The following CERS1 variants were observed in gnomAD, a reference collection of about 807,000 sequenced individuals.
CERS1 encodes ceramide synthase 1.
Under a neutral mutation model 35.7 loss-of-function variants are expected in CERS1, and 16 were observed. The observed-to-expected ratio is 0.45, with a 90% CI of 0.30 to 0.68. The LOEUF (loss-of-function observed/expected upper bound fraction) is 0.68. Among genes scored for constraint, CERS1 ranks in the 30% least tolerant of loss-of-function variants. CERS1 has a pLI of 0.08. For synonymous variants in CERS1, 243 were observed against 201.6 expected (o/e 1.21, Z -1.74); for missense variants, 454 against 453.9 (o/e 1.00, Z 0.00).
At chr19:18,888,519 T>TAAAAAAAAAA (rs781426705) in intron 2 of CERS1, among the ~76,000 whole-genome samples, 3 of 59,030 alleles carry the variant, frequency 5.1e-5, no homozygotes, top group African/African-American at 2.3e-4. Flanking sequence ...CCCTGTCTCT[T>TAAAAAAAAAA]AAAAAAAAAA....
chr19:18,878,409 C>T lies in CERS1; in HGVS notation c.1010+521G>A, dbSNP rs2056104870. On this transcript the variant is annotated intron_variant, in intron 6 of 7. Coordinates refer to ENST00000623882, the MANE Select transcript of CERS1 (RefSeq NM_021267.5). This position sits in a 1 kb window ranked among gnomAD's most constrained non-coding sequence, Gnocchi z 4.6. The stretch of plus-strand genomic sequence containing the variant: ...GACTCCCACCTGGGCTGGACTGAGT[C>T]TGAGCTCCCAGCCCCAGCTCCTGTT... The T allele has an allele frequency of 1.0e-6, 1 of 990,492 alleles. No individual in the cohort carries two copies. The highest frequency in any genetic ancestry group is 1.7e-5 in the African/African-American group (1 of 57,226). 61.4% of individuals were successfully genotyped at this position (990,492 alleles called of 1,614,324 possible). A position where few individuals can be genotyped will look rare whatever the true frequency, so the allele number is the denominator to read the frequency against.
Position 18,868,778 on chromosome 19 carries a change from G to C in CERS1, c.*1207C>G. The C allele has an allele frequency of 1.4e-6, 2 of 1,468,710 alleles. No individual in the cohort carries two copies. The highest frequency in any genetic ancestry group is 3.1e-5 in the East Asian group (1 of 32,664). The allele number at this position is 1,468,710 out of a possible 1,614,324, so 91.0% of individuals were successfully genotyped here. A position where few individuals can be genotyped will look rare whatever the true frequency, so the allele number is the denominator to read the frequency against. On this transcript the variant is annotated 3_prime_UTR_variant, in exon 8 of 8. Coordinates refer to ENST00000623882, the MANE Select transcript of CERS1 (RefSeq NM_021267.5). ...GCGCAGCACAGCGTGGTTGAGCGCC[G>C]GCGGCCCCCCGGACCCCGACAGCGC...
At position 18,893,447 on chromosome 19, in the gene CERS1, G is replaced by A; in HGVS notation, c.378C>T (p.Pro126=). 6.2e-7 allele frequency: 1 copy of A among 1,606,058 alleles called. No homozygotes were observed. The part of the protein sequence containing the change: ...SAYLLFGTDY[P]FFHDPPSVFY... ...AGACAGATGGTGGGTCATGGAAGAA[G>A]GGGTAGTCGGTGCCAAACAGCAGGT... The change falls in exon 2 of 8, where the codon CCC becomes CCT. Residue 126 remains proline (P), a synonymous_variant. Coordinates refer to ENST00000623882, the MANE Select transcript of CERS1 (RefSeq NM_021267.5).
intron 6 of CERS1, among the ~76,000 whole-genome samples, chr19:18,872,321 G>A (rs377026493): frequency 1.6e-4 from 25 of 152,312 alleles, no homozygotes; most frequent in African/African-American, 5.8e-4. Flanking sequence ...CCTTGGGGGA[G>A]ATAGCTTTTC....
At position 18,868,630 on chromosome 19, in the gene CERS1, C is replaced by T; in HGVS notation, c.*1355G>A. 1.3e-6 allele frequency: 2 copies of T among 1,573,402 alleles called. No individual in the cohort carries two copies. The highest frequency in any genetic ancestry group is 1.7e-6 in the Non-Finnish European group (2 of 1,159,656). On this transcript the variant is annotated 3_prime_UTR_variant, in exon 8 of 8. Coordinates refer to ENST00000623882, the MANE Select transcript of CERS1 (RefSeq NM_021267.5). ...AGCCGCACTCGTCCACCACCATGTC[C>T]TCATACTGCCGCAGCACCACGTTGT... is the stretch of plus-strand genomic sequence containing the variant.
Position 18,869,233 on chromosome 19 carries a change from G to T in CERS1, c.*752C>A, listed in dbSNP as rs1196306302. On this transcript the variant is annotated 3_prime_UTR_variant, in exon 8 of 8. Coordinates refer to ENST00000623882, the MANE Select transcript of CERS1 (RefSeq NM_021267.5). ...CTTGCGCCACGCTCAGCTCCCAGCC[G>T]CCCTCCGGGGCTGCCGCCGCCGCCG... is the stretch of plus-strand genomic sequence containing the variant. The T allele has an allele frequency of 7.2e-7, 1 of 1,391,400 alleles. No homozygotes were observed. Among genetic ancestry groups the T allele is most frequent in the Non-Finnish European group, 9.2e-7 (1 of 1,084,200 alleles). The allele number at this position is 1,391,400 out of a possible 1,614,324, so 86.2% of individuals were successfully genotyped here.
intron 2 of CERS1, among the ~76,000 whole-genome samples, chr19:18,891,502 C>T (rs1262537732): frequency 6.6e-6 from 1 of 152,162 alleles, no homozygotes; most frequent in Non-Finnish European, 1.5e-5. Context: ...GCAGTCACCT[C>T]CCTGCCCAGC....
rs2055936732 is a variant in CERS1, at chr19:18,870,018, AC to A, written c.*558del. ...GATGTGGCGCACGATGTTTCCGGCG[AC>A]CCCCAGCTCCTCCACGTGGCACGGT... On this transcript the variant is annotated 3_prime_UTR_variant, in exon 7 of 8. Coordinates refer to ENST00000623882, the MANE Select transcript of CERS1 (RefSeq NM_021267.5). The surrounding 1 kb of genome is among the most constrained non-coding windows in gnomAD (Gnocchi z 5.1). The A allele has an allele frequency of 2.5e-6, 4 of 1,593,912 alleles. No homozygotes were observed. Among genetic ancestry groups the A allele is most frequent in the Admixed American group, 1.7e-5 (1 of 58,186 alleles).
At chr19:18,888,260 G>A (rs1440520260) in intron 2 of CERS1, among the ~76,000 whole-genome samples, 1 of 152,148 alleles carries the variant, frequency 6.6e-6, no homozygotes, top group Non-Finnish European at 1.5e-5. Context: ...TCGGGAGGCT[G>A]AGGCAGGAGA....
chr19:18,892,608 C>T (rs1440893987), intron 2 of CERS1, among the ~76,000 whole-genome samples: 2 of 151,728 alleles, frequency 1.3e-5, no homozygotes, highest in Non-Finnish European at 2.9e-5. Context: ...AGCGAGACTC[C>T]ATCTCAAAAA....
chr19:18,870,668 C>A lies in CERS1; in HGVS notation c.1011-49G>T. On this transcript the variant is annotated intron_variant, in intron 6 of 7. Coordinates refer to ENST00000623882, the MANE Select transcript of CERS1 (RefSeq NM_021267.5). The surrounding 1 kb of genome is among the most constrained non-coding windows in gnomAD (Gnocchi z 5.1). Reference sequence around the variant, plus strand: ...TTAGCCTGGGAGCCCCACGCGGCCGCCTGGCCCTCTTTCCCGCTTCTTCTC... The same window carrying A: ...TTAGCCTGGGAGCCCCACGCGGCCGACTGGCCCTCTTTCCCGCTTCTTCTC... The A allele has an allele frequency of 1.9e-6, 1 of 514,102 alleles. No homozygotes were observed. Among genetic ancestry groups the A allele is most frequent in the Non-Finnish European group, 3.5e-6 (1 of 283,982 alleles). 31.8% of individuals were successfully genotyped at this position (514,102 alleles called of 1,614,324 possible).
In CERS1 at chr19:18,870,083, C is replaced by T. The variant is rs1313375459; in HGVS notation, c.*494G>A. On this transcript the variant is annotated 3_prime_UTR_variant, in exon 7 of 8. Coordinates refer to ENST00000623882, the MANE Select transcript of CERS1 (RefSeq NM_021267.5). The surrounding 1 kb of genome is among the most constrained non-coding windows in gnomAD (Gnocchi z 5.1). ...CTGGGGACGTCCGCCGCGAGCCAGA[C>T]CTGGTCTCCTGGGGGTCCCGGCGTC... The T allele has an allele frequency of 6.3e-7, 1 of 1,579,192 alleles. No individual in the cohort carries two copies. The highest frequency in any genetic ancestry group is 8.6e-7 in the Non-Finnish European group (1 of 1,167,294).
chr19:18,893,652 GC>G (rs1190479172), intron 1 of CERS1, 77 bp from the exon 2 acceptor site: 41 of 1,429,364 alleles, frequency 2.9e-5, no homozygotes, highest in Non-Finnish European at 3.8e-5. Flanking sequence ...GGAAACTGAG[GC>G]CCAGGGACTC....
chr19:18,896,122 C>G lies in CERS1; in HGVS notation c.-50G>C. On this transcript the variant is annotated 5_prime_UTR_variant, in exon 1 of 8. Transcript: ENST00000623882. The surrounding 1 kb of genome is among the most constrained non-coding windows in gnomAD (Gnocchi z 5.9). ...GTCGCCTGCGCCCGCCCGCGGTAGC[C>G]GACGGAGCCGCGCGCCCCGCGTCAC... The G allele has an allele frequency of 2.0e-5, 15 of 741,948 alleles. No individual in the cohort carries two copies. Among genetic ancestry groups the G allele is most frequent in the Non-Finnish European group, 2.3e-5 (14 of 610,608 alleles). The allele number at this position is 741,948 out of a possible 1,614,324, so 46.0% of individuals were successfully genotyped here. A position where few individuals can be genotyped will look rare whatever the true frequency, so the allele number is the denominator to read the frequency against.
At chr19:18,880,184 T>C (rs1601164981) in intron 4 of CERS1, 90 bp downstream of exon 4, 11 of 1,235,002 alleles carry the variant, frequency 8.9e-6, no homozygotes, top group Admixed American at 2.8e-5. Flanking sequence ...GGGCCCCGCC[T>C]CCTTCCCTGC....
At position 18,878,253 on chromosome 19, in the gene CERS1, G is replaced by C. The variant is rs1395349480; in HGVS notation, c.1010+677C>G. ...TATGAGACACTGCACACCCGACTCT[G>C]CTTGTTACCCAGTTTGGCCTCCGTT... On this transcript the variant is annotated intron_variant, in intron 6 of 7. Coordinates refer to ENST00000623882, the MANE Select transcript of CERS1 (RefSeq NM_021267.5). The surrounding 1 kb of genome is among the most constrained non-coding windows in gnomAD (Gnocchi z 4.6). The C allele has an allele frequency of 1.0e-6, 1 of 985,620 alleles. No homozygotes were observed. The highest frequency in any genetic ancestry group is 1.7e-5 in the African/African-American group (1 of 57,148). The allele number at this position is 985,620 out of a possible 1,614,324, so 61.1% of individuals were successfully genotyped here.
intron 2 of CERS1, among the ~76,000 whole-genome samples, chr19:18,893,042 G>A (rs779096235): frequency 4.6e-5 from 7 of 151,734 alleles, no homozygotes; most frequent in South Asian, 4.2e-4. Context: ...TCAGCCTCCC[G>A]AGTAGCTGGG....
chr19:18,884,118 G>A lies in CERS1; in HGVS notation c.559C>T (p.Leu187Phe), dbSNP rs772627907. 2 of 1,613,656 alleles carry A rather than the reference G, an allele frequency of 1.2e-6. No homozygotes were observed. The highest frequency in any genetic ancestry group is 1.7e-5 in the Admixed American group (1 of 59,996). Residue 187 changes from leucine (L) to phenylalanine (F), a missense_variant, in exon 3 of 8, where the codon CTC (leucine) becomes TTC (phenylalanine). Coordinates refer to ENST00000623882, the MANE Select transcript of CERS1 (RefSeq NM_021267.5). ...GCGTAGGAGGAGACGATGAGGATGA[G>A]AGTGACCACGTGGTGGAGCAGCATG... Reference protein sequence around the residue: ...VVMLLHHVVTLILIVSSYAFR... With the variant: ...VVMLLHHVVTFILIVSSYAFR...
intron 6 of CERS1, among the ~76,000 whole-genome samples, chr19:18,876,573 C>G (rs907364816): frequency 4.3e-5 from 6 of 138,586 alleles, no homozygotes; most frequent in African/African-American, 1.8e-4. Flanking sequence ...TGTGTAGGAA[C>G]TGCATATCCC....
Sources: allele counts gnomAD v4.1 joint callset (sites outside exome capture counted in the v4.1 genomes callset), GRCh38; gene constraint gnomAD v4.1.1; non-coding constraint Gnocchi (gnomAD v3.1); transcripts MANE v1.5; gene names NCBI Gene and HGNC (gene_info 2026-07-23, HGNC 2026-07-21).